The following FBN3 variants were observed in gnomAD, a reference collection of about 807,000 sequenced individuals.
FBN3 encodes the protein fibrillin 3.
Under a neutral mutation model 330.1 loss-of-function variants are expected in FBN3, and 234 were observed. That is an observed-to-expected ratio of 0.71 (90% CI 0.64 to 0.79). FBN3 has a LOEUF of 0.79. Ranked by LOEUF, FBN3 falls within the 30% of genes least tolerant of loss-of-function variation. FBN3 has a pLI of 0.00. For missense variants in FBN3, 3,606 were observed against 3,886.9 expected (o/e 0.93, Z 1.92); for synonymous variants, 1,458 against 1,517.3 (o/e 0.96, Z 0.91).
intron 8 of FBN3, among the ~76,000 whole-genome samples, chr19:8,139,798 C>T (rs956030623): frequency 6.6e-6 from 1 of 151,836 alleles, no homozygotes; most frequent in African/African-American, 2.4e-5. Context: ...TATTTTTAGG[C>T]TTAAAAATGC....
At chr19:8,095,593 T>C in intron 45 of FBN3, 90 bp from the exon 46 acceptor site, 1 of 1,419,742 alleles carries the variant, frequency 7.0e-7, no homozygotes, top group Non-Finnish European at 9.7e-7. Flanking sequence ...TGAGTTGAGC[T>C]GACAGCATTG....
chr19:8,071,295 G>A (rs1051531343), intron 63 of FBN3, among the ~76,000 whole-genome samples: 2 of 152,210 alleles, frequency 1.3e-5, no homozygotes, highest in Admixed American at 1.3e-4. Flanking sequence ...TGGAGCCATA[G>A]GCCTGCCCTA....
rs1297063140 is a variant in FBN3 at position 8,123,905 on chromosome 19, G to A, written c.2835C>T (p.Ala945=). Residue 945 remains alanine, a synonymous_variant, in exon 23 of 64, where the codon GCC becomes GCT. Coordinates refer to ENST00000600128, the MANE Select transcript of FBN3 (RefSeq NM_032447.5). ...AGGCCTCGCACTCGACTCCCCACAC[G>A]GCCCCGATGGAGCAGCAGCAGACGT... ...RMDVCCCSIG[A]VWGVECEACP... 13 of 1,613,742 alleles carry A rather than the reference G, an allele frequency of 8.1e-6. No homozygotes were observed. Among genetic ancestry groups the A allele is most frequent in the African/African-American group, 6.7e-5 (5 of 74,868 alleles).
chr19:8,108,031 C>A (rs973217525), intron 37 of FBN3, 139 bp downstream of exon 37: 9 of 628,746 alleles, frequency 1.4e-5, no homozygotes, highest in Non-Finnish European at 2.5e-5. Context: ...TAGTGTGGTC[C>A]TGCTGCTCAG....
intron 30 of FBN3, among the ~76,000 whole-genome samples, chr19:8,113,664 A>C (rs938091219): frequency 1.3e-5 from 2 of 151,924 alleles, no homozygotes; most frequent in African/African-American, 4.8e-5. Flanking sequence ...AGCTATGATC[A>C]CACCACTGCA....
intron 5 of FBN3, 140 bp from the exon 6 acceptor site, chr19:8,145,112 G>A (rs991477043): frequency 8.1e-6 from 6 of 741,502 alleles, no homozygotes; most frequent in Admixed American, 2.4e-5. Context: ...AGTGGCTAGC[G>A]CCTGTAATCC....
At chr19:8,079,579 T>G (rs970148540) in intron 59 of FBN3, among the ~76,000 whole-genome samples, 1 of 133,604 alleles carries the variant, frequency 7.5e-6, no homozygotes, top group African/African-American at 3.1e-5. Flanking sequence ...TTGAACACAC[T>G]ATTCTGTTAA....
chr19:8,096,470 G>A lies in FBN3; in HGVS notation c.5513C>T (p.Ala1838Val). The change falls in exon 44 of 64, where the codon GCC (alanine) becomes GTC (valine). Residue 1838 changes from alanine to valine, a missense_variant. Coordinates refer to ENST00000600128, the MANE Select transcript of FBN3 (RefSeq NM_032447.5). This position sits in a 1 kb window ranked among gnomAD's most constrained non-coding sequence, Gnocchi z 4.6. ...YMCLCHRGFQASADQTLCMDI... is the reference protein window; with the variant it reads ...YMCLCHRGFQVSADQTLCMDI... Reference sequence around the variant, plus strand: ...CATGCACAGGGTCTGGTCTGCAGAGGCCTGGAATCCACGGTGACACAGACA... The same window carrying A: ...CATGCACAGGGTCTGGTCTGCAGAGACCTGGAATCCACGGTGACACAGACA... 1 of 1,614,016 alleles carries A rather than the reference G, an allele frequency of 6.2e-7. No homozygotes were observed. The highest frequency in any genetic ancestry group is 8.5e-7 in the Non-Finnish European group (1 of 1,179,968).
At position 8,129,167 on chromosome 19, in the gene FBN3, G is replaced by A. The variant is rs760609359; in HGVS notation, c.2171-14C>T. 2 of 1,612,498 alleles carry A rather than the reference G, an allele frequency of 1.2e-6. No individual in the cohort carries two copies. Among genetic ancestry groups the A allele is most frequent in the Non-Finnish European group, 8.5e-7 (1 of 1,179,492 alleles). On this transcript the variant is annotated splice_polypyrimidine_tract_variant and intron_variant, in intron 17 of 63. Transcript: ENST00000600128. This position sits in a 1 kb window ranked among gnomAD's most constrained non-coding sequence, Gnocchi z 4.5. Reference sequence around the variant, plus strand: ...ACTCATCCACGTCTGTGGGGTGGGGGTGGGAGAGAGGGGTGAGGGGTCTGC... The same window carrying A: ...ACTCATCCACGTCTGTGGGGTGGGGATGGGAGAGAGGGGTGAGGGGTCTGC...
intron 9 of FBN3, 27 bp from the exon 10 acceptor site, chr19:8,138,350 G>A (rs2083335487): frequency 1.2e-6 from 2 of 1,610,856 alleles, no homozygotes; most frequent in South Asian, 1.1e-5. Context: ...TTGAGGCCAG[G>A]CCCTTGGCCC....
intron 61 of FBN3, among the ~76,000 whole-genome samples, chr19:8,073,582 G>A (rs2081572806): frequency 6.6e-6 from 1 of 152,192 alleles, no homozygotes; most frequent in African/African-American, 2.4e-5. Context: ...TGACACTTGG[G>A]GCCAGATCAT....
In FBN3 at chr19:8,136,276, T is replaced by C. The variant is rs147206351; in HGVS notation, c.1379A>G (p.His460Arg). ...GCCGGGGATGTTGACGCAGTCACCG[T>C]GGTGGCAGGGGCTGCTGGTGCATTC... ...VDECTSSPCHHGDCVNIPGTY... is the reference protein window; with the variant it reads ...VDECTSSPCHRGDCVNIPGTY... Residue 460 changes from histidine (H) to arginine (R), a missense_variant, in exon 12 of 64, where the codon CAC becomes CGC. Transcript: ENST00000600128. The C allele has an allele frequency of 2.4e-4, 391 of 1,604,938 alleles. No individual in the cohort carries two copies. In the African/African-American group the frequency reaches 4.6e-3, roughly 19 times the overall value.
chr19:8,147,097 C>T lies in FBN3; in HGVS notation c.250+7G>A, dbSNP rs749583458. 7.5e-5 allele frequency: 116 copies of T among 1,554,580 alleles called. No individual in the cohort carries two copies. The highest frequency in any genetic ancestry group is 1.0e-4 in the Non-Finnish European group (115 of 1,152,580). On this transcript the variant is annotated splice_region_variant and intron_variant, in intron 3 of 63. Transcript: ENST00000600128. ...CCCCCCCACCTCCAGACGGCGGTAGCACTCACGTACGACACACTGGCTCCT... is the reference window on the plus strand; with the variant it reads ...CCCCCCCACCTCCAGACGGCGGTAGTACTCACGTACGACACACTGGCTCCT...
At position 8,087,926 on chromosome 19, in the gene FBN3, T is replaced by C. The variant is rs765088945; in HGVS notation, c.6518A>G (p.Asn2173Ser). 3.7e-6 allele frequency: 6 copies of C among 1,613,680 alleles called. No homozygotes were observed. In the South Asian group the frequency reaches 6.6e-5, roughly 18 times the overall value. ...GCAGCGGAAGGCACAGAGCAGCGGG[T>C]TCAGGGAGCATTCGTCGATGTCTGG... is the stretch of plus-strand genomic sequence containing the variant. ...TCEDIDECSL[N>S]PLLCAFRCHN... The change falls in exon 53 of 64, where the codon AAC becomes AGC. Residue 2173 changes from asparagine (N) to serine (S), a missense_variant. By Grantham distance (46) the Asn-to-Ser change is conservative. Transcript: ENST00000600128.
intron 16 of FBN3, among the ~76,000 whole-genome samples, chr19:8,130,016 G>GC (rs2083086930): frequency 6.6e-6 from 1 of 151,726 alleles, no homozygotes; most frequent in South Asian, 2.1e-4. Context: ...TCATGACTCA[G>GC]CCCCCCAAGT....
intron 56 of FBN3, among the ~76,000 whole-genome samples, chr19:8,084,172 C>T (rs184035882): frequency 3.3e-5 from 5 of 152,278 alleles, no homozygotes; most frequent in East Asian, 1.9e-4. Flanking sequence ...CTCAGTGAGA[C>T]GCACTGATGT....
In FBN3 at chr19:8,109,294, A is replaced by C. The variant is rs748281041; in HGVS notation, c.4551T>G (p.Ala1517=). 4 of 1,614,224 alleles carry C rather than the reference A, an allele frequency of 2.5e-6. No homozygotes were observed. The highest frequency in any genetic ancestry group is 3.4e-6 in the Non-Finnish European group (4 of 1,180,036). Residue 1517 remains alanine, a synonymous_variant, in exon 36 of 64, where the codon GCT becomes GCG. Coordinates refer to ENST00000600128, the MANE Select transcript of FBN3 (RefSeq NM_032447.5). This position sits in a 1 kb window ranked among gnomAD's most constrained non-coding sequence, Gnocchi z 5.2. ...SAEIGVGVTR[A]SCCCSLGRAW... is the part of the protein sequence containing the mutation. ...CCCGGCCCAGGGAGCAACAGCAGGA[A>C]GCTCGGGTGACACCAACTCCGATCT...
At chr19:8,135,935 T>TTGGGGGGGGGGGGGGGGGGGGCGGC in intron 13 of FBN3, 26 bp downstream of exon 13, 2 of 1,344,156 alleles carry the variant, frequency 1.5e-6, no homozygotes, top group Non-Finnish European at 2.0e-6. Context: ...CGGAAGCCCC[T>TTGGGGGGGGGGGGGGGGGGGGCGGC]GCCCACCCGC....
In FBN3 at chr19:8,131,829, T is replaced by C; in HGVS notation, c.1715A>G (p.Asp572Gly). 1 of 1,586,066 alleles carries C rather than the reference T, an allele frequency of 6.3e-7. No individual in the cohort carries two copies. Among genetic ancestry groups the C allele is most frequent in the Non-Finnish European group, 8.6e-7 (1 of 1,161,184 alleles). ...GCCGGGCGTCTGGCACTCGTCAATG[T>C]CTGCAGAAGCAGTGGCGGCACGGGG... ...LLAPGGHYCM[D>G]IDECQTPGIC... Residue 572 changes from aspartate to glycine, a missense_variant and splice_region_variant, in exon 15 of 64, where the codon GAC becomes GGC. Asp to Gly is a moderately conservative substitution (Grantham distance 94). Coordinates refer to ENST00000600128, the MANE Select transcript of FBN3 (RefSeq NM_032447.5). This position sits in a 1 kb window ranked among gnomAD's most constrained non-coding sequence, Gnocchi z 4.5.
Sources: gnomAD v4.1 joint callset for allele counts (sites outside exome capture counted in the v4.1 genomes callset) on GRCh38, gnomAD v4.1.1 for gene constraint, Gnocchi (gnomAD v3.1) non-coding constraint, MANE v1.5 for transcripts, NCBI Gene and HGNC (gene_info 2026-07-23, HGNC 2026-07-21) for gene names.